TEX48: variants seen among roughly 807,000 people sequenced by gnomAD.
TEX48 encodes the protein testis-expressed protein 48.
In TEX48, 10 loss-of-function variants were observed where a neutral mutation model predicts 13.2. The ratio of observed to expected loss-of-function variants is 0.75; its 90% CI spans 0.47 to 1.28. The LOEUF (loss-of-function observed/expected upper bound fraction) is 1.28. Among genes scored for constraint, TEX48 ranks in the 50% most tolerant of loss-of-function variants. The probability of loss-of-function intolerance (pLI) is 0.00; values close to 1 mark genes in which losing one functional copy is unlikely to be tolerated. For synonymous variants in TEX48, 45 were observed against 52.3 expected, an observed-to-expected ratio of 0.86 and a Z score of 0.60; for missense variants, 116 against 139.4, an observed-to-expected ratio of 0.83 and a Z score of 0.84.
intron 1 of TEX48, among the ~76,000 whole-genome samples, chr9:114,673,302 G>A (rs1158044337): frequency 2.0e-5 from 3 of 151,846 alleles, no homozygotes; most frequent in African/African-American, 7.3e-5. Context: ...GAGAAACCCC[G>A]TCTCTGCTAA....
At chr9:114,676,650 TC>T (rs1477961949) in intron 1 of TEX48, among the ~76,000 whole-genome samples, 1 of 149,912 alleles carries the variant, frequency 6.7e-6, no homozygotes, top group Non-Finnish European at 1.5e-5. Flanking sequence ...GGAGTCGCGC[TC>T]TGTTGCCCAG....
intron 1 of TEX48, among the ~76,000 whole-genome samples, chr9:114,672,652 C>T (rs1000858669): frequency 1.3e-5 from 2 of 152,190 alleles, no homozygotes; most frequent in African/African-American, 2.4e-5. Context: ...GCGATAGCTT[C>T]CTGACTGGTC....
Position 114,668,357 on chromosome 9 carries a change from A to G in TEX48, c.128-20T>C. 1 of 1,534,358 alleles carries G rather than the reference A, an allele frequency of 6.5e-7. No homozygotes were observed. Among genetic ancestry groups the G allele is most frequent in the Non-Finnish European group, 8.7e-7 (1 of 1,145,760 alleles). On this transcript the variant is annotated intron_variant, in intron 3 of 4. Coordinates refer to ENST00000436752, the MANE Select transcript of TEX48 (RefSeq NM_001199233.2). ...GCAAATCTGGCAATGAGAATTCCAC[A>G]GGGTCACGTGGGGGAGGCTTAGGTG...
intron 1 of TEX48, among the ~76,000 whole-genome samples, chr9:114,677,660 T>A (rs1460978740): frequency 6.6e-6 from 1 of 151,974 alleles, no homozygotes; most frequent in Admixed American, 6.6e-5. Context: ...TTTACTGGAG[T>A]GGTAATTGAT....
intron 3 of TEX48, among the ~76,000 whole-genome samples, chr9:114,670,323 C>G (rs1252441053): frequency 6.6e-6 from 1 of 152,140 alleles, no homozygotes; most frequent in Non-Finnish European, 1.5e-5. Flanking sequence ...TATTGTGACT[C>G]TACTTCCAGG....
At chr9:114,681,360 G>T (rs1021838801) in intron 1 of TEX48, among the ~76,000 whole-genome samples, 3 of 152,230 alleles carry the variant, frequency 2.0e-5, no homozygotes, top group Non-Finnish European at 4.4e-5. Flanking sequence ...CCCTCTTCAA[G>T]AAATGAAAAG....
rs148628687 is a variant in TEX48, at chr9:114,677,601, C to T, written c.-105+4434G>A. On this transcript the variant is annotated intron_variant, in intron 1 of 4. Transcript: ENST00000436752. ...GCACTTCATAAGAAAGGAATGGAAG[C>T]ATAGCTCTGACAAGCCCCCACCATG... Among the ~76,000 whole-genome samples the T allele has an allele frequency of 3.9e-5, 6 of 152,256 alleles. No individual in the cohort carries two copies. In the East Asian group the frequency reaches 9.6e-4, roughly 24 times the overall value.
Position 114,666,560 on chromosome 9 carries a change from C to T in TEX48, c.*83G>A, listed in dbSNP as rs1306119963. ...TCTTCTCCTCCTTCAGGGGAGTTTCCGAATTAGTCTTCATGACTCCTGTCC... is the reference window on the plus strand; with the variant it reads ...TCTTCTCCTCCTTCAGGGGAGTTTCTGAATTAGTCTTCATGACTCCTGTCC... On this transcript the variant is annotated 3_prime_UTR_variant, in exon 5 of 5. Coordinates refer to ENST00000436752, the MANE Select transcript of TEX48 (RefSeq NM_001199233.2). 3.2e-5 allele frequency: 24 copies of T among 756,920 alleles called. No homozygotes were observed. The highest frequency in any genetic ancestry group is 4.1e-5 in the Non-Finnish European group (20 of 482,144). 46.9% of individuals were successfully genotyped at this position (756,920 alleles called of 1,614,324 possible).
At chr9:114,679,666 A>G (rs566306326) in intron 1 of TEX48, among the ~76,000 whole-genome samples, 1 of 152,176 alleles carries the variant, frequency 6.6e-6, no homozygotes, top group African/African-American at 2.4e-5. Context: ...CCAGTGCATG[A>G]TTCTCCAGCA....
At chr9:114,668,926 T>C (rs1827892053) in intron 3 of TEX48, among the ~76,000 whole-genome samples, 1 of 152,088 alleles carries the variant, frequency 6.6e-6, no homozygotes, top group Non-Finnish European at 1.5e-5. Context: ...AACCTCAAAC[T>C]CCTAGGCTCA....
At chr9:114,671,987 A>G (rs987199413) in intron 1 of TEX48, among the ~76,000 whole-genome samples, 160 bp from the exon 2 acceptor site, 1 of 152,238 alleles carries the variant, frequency 6.6e-6, no homozygotes, top group Non-Finnish European at 1.5e-5. Flanking sequence ...GAACAGGTGC[A>G]TGTTCTTAGG....
At chr9:114,667,094 G>C (rs1004822868) in intron 4 of TEX48, among the ~76,000 whole-genome samples, 3 of 152,254 alleles carry the variant, frequency 2.0e-5, no homozygotes, top group East Asian at 3.9e-4. Context: ...TCACCCCTAT[G>C]GGGGGGTGGG....
intron 3 of TEX48, 44 bp from the exon 4 acceptor site, chr9:114,668,381 T>C (rs1827881668): frequency 3.3e-6 from 5 of 1,515,392 alleles, no homozygotes; most frequent in Non-Finnish European, 4.4e-6. Flanking sequence ...GAGGCTTAGG[T>C]GAGATCACGG....
In TEX48 at chr9:114,671,767, GGTGCCTT is replaced by G; in HGVS notation, c.-51_-45del. On this transcript the variant is annotated 5_prime_UTR_variant, in exon 2 of 5. Coordinates refer to ENST00000436752, the MANE Select transcript of TEX48 (RefSeq NM_001199233.2). The stretch of plus-strand genomic sequence containing the variant: ...CTACTCTGCCAGCTTTGTCTGCAGG[GGTGCCTT>G]GTTGAATCAGCCAGTCTTGAGTTTG... The G allele has an allele frequency of 6.5e-7, 1 of 1,535,296 alleles. No homozygotes were observed. Among genetic ancestry groups the G allele is most frequent in the Non-Finnish European group, 8.7e-7 (1 of 1,146,564 alleles).
chr9:114,669,350 C>T (rs368656740), intron 3 of TEX48, among the ~76,000 whole-genome samples: 4 of 152,070 alleles, frequency 2.6e-5, no homozygotes, highest in Admixed American at 2.0e-4. Flanking sequence ...GCAATCATGA[C>T]TTACTGCAGC....
intron 4 of TEX48, 38 bp downstream of exon 4, chr9:114,668,168 G>A (rs1827877065): frequency 6.5e-7 from 1 of 1,534,198 alleles, no homozygotes; most frequent in Non-Finnish European, 8.7e-7. Flanking sequence ...CTGTCTGGGA[G>A]TTTCTGGTCA....
intron 1 of TEX48, among the ~76,000 whole-genome samples, chr9:114,678,350 C>G (rs1367867927): frequency 1.3e-5 from 2 of 152,142 alleles, no homozygotes; most frequent in Non-Finnish European, 2.9e-5. Flanking sequence ...TCACATTGCA[C>G]AACACCCACC....
chr9:114,674,128 T>C (rs1828004812), intron 1 of TEX48, among the ~76,000 whole-genome samples: 1 of 152,130 alleles, frequency 6.6e-6, no homozygotes, highest in Non-Finnish European at 1.5e-5. Context: ...TCTCTTTCTT[T>C]TCTCCAAAAT....
At chr9:114,678,358 A>G (rs564980656) in intron 1 of TEX48, among the ~76,000 whole-genome samples, 1 of 152,104 alleles carries the variant, frequency 6.6e-6, no homozygotes, top group Non-Finnish European at 1.5e-5. Flanking sequence ...CACAACACCC[A>G]CCTAAAACTT....
Sources: allele counts gnomAD v4.1 joint callset (sites outside exome capture counted in the v4.1 genomes callset), GRCh38; gene constraint gnomAD v4.1.1; transcripts MANE v1.5; gene names NCBI Gene and HGNC (gene_info 2026-07-23, HGNC 2026-07-21).